The following GPR158 variants were observed in gnomAD, a reference collection of about 807,000 sequenced individuals.
GPR158 encodes metabotropic glycine receptor.
GPR158 carries 30 observed loss-of-function variants against 78.2 expected under a neutral mutation model. The ratio of observed to expected loss-of-function variants is 0.38; its 90% CI spans 0.29 to 0.52. The LOEUF is 0.52. Among genes scored for constraint, GPR158 ranks in the 20% least tolerant of loss-of-function variants. The probability of loss-of-function intolerance (pLI) is 0.83; values close to 1 mark genes in which losing one functional copy is unlikely to be tolerated. For missense variants in GPR158, 1,463 were observed against 1,523.5 expected (o/e 0.96, Z 0.66); for synonymous variants, 581 against 591.1 (o/e 0.98, Z 0.25).
At chr10:25,404,527 T>C (rs1270456991) in intron 3 of GPR158, among the ~76,000 whole-genome samples, 1 of 152,100 alleles carries the variant, frequency 6.6e-6, no homozygotes, top group Non-Finnish European at 1.5e-5. Context: ...ACCTTATGTC[T>C]AGTTGCTACT....
chr10:25,432,532 G>A (rs532377935), intron 4 of GPR158, among the ~76,000 whole-genome samples: 4 of 152,262 alleles, frequency 2.6e-5, no homozygotes, highest in African/African-American at 9.6e-5. Flanking sequence ...AAAATTATAT[G>A]TTCAAAATTG....
chr10:25,352,446 C>A (rs1179857084), intron 2 of GPR158, among the ~76,000 whole-genome samples: 2 of 151,934 alleles, frequency 1.3e-5, no homozygotes, highest in Admixed American at 1.3e-4. Context: ...AAAATAATAT[C>A]TTAGTTTTTA....
chr10:25,230,617 G>A (rs1215917181), intron 2 of GPR158, among the ~76,000 whole-genome samples: 1 of 152,148 alleles, frequency 6.6e-6, no homozygotes, highest in Non-Finnish European at 1.5e-5. Flanking sequence ...TATCAAAATA[G>A]CTATTATATG....
chr10:25,485,108 A>T (rs560023613), intron 5 of GPR158, among the ~76,000 whole-genome samples: 1 of 151,936 alleles, frequency 6.6e-6, no homozygotes, highest in South Asian at 2.1e-4. Flanking sequence ...TTAAGAAAAT[A>T]GCTATAGACA....
At chr10:25,314,982 AT>A (rs1234931967) in intron 2 of GPR158, among the ~76,000 whole-genome samples, 1 of 149,514 alleles carries the variant, frequency 6.7e-6, no homozygotes, top group Admixed American at 6.7e-5. Flanking sequence ...GTTTTTCTGA[AT>A]TTTTTTGTCA....
intron 2 of GPR158, among the ~76,000 whole-genome samples, chr10:25,322,375 C>T (rs181344127): frequency 0.015 from 2,254 of 146,180 alleles, 60 homozygotes; most frequent in African/African-American, 0.055. Flanking sequence ...AGCGAGACTC[C>T]GTCTCAAAAA....
chr10:25,411,318 G>GT (rs2130547804), intron 3 of GPR158, among the ~76,000 whole-genome samples: 1 of 152,280 alleles, frequency 6.6e-6, no homozygotes, highest in African/African-American at 2.4e-5. Flanking sequence ...ATGATAGCTT[G>GT]TAAGTATAGA....
chr10:25,572,507 A>G, intron 6 of GPR158, 142 bp from the exon 7 acceptor site: 2 of 690,146 alleles, frequency 2.9e-6, no homozygotes, highest in Non-Finnish European at 5.2e-6. Flanking sequence ...TGTCTCTACA[A>G]CAAAAACAAA....
At chr10:25,588,891 T>G in intron 7 of GPR158, 116 bp from the exon 8 acceptor site, 1 of 556,876 alleles carries the variant, frequency 1.8e-6, no homozygotes, top group Non-Finnish European at 3.0e-6. Context: ...GAATAAGACT[T>G]TCTAACCCAT....
At chr10:25,502,612 CA>C (rs11367014) in intron 5 of GPR158, among the ~76,000 whole-genome samples, 47,769 of 151,920 alleles carry the variant, frequency 0.31, 8,462 homozygotes, top group East Asian at 0.48. Flanking sequence ...GACTAACTTG[CA>C]AAAAGTACAA....
intron 4 of GPR158, among the ~76,000 whole-genome samples, chr10:25,430,480 A>G (rs1362332257): frequency 6.8e-6 from 1 of 147,782 alleles, no homozygotes; most frequent in East Asian, 1.9e-4. Context: ...CGAGCTACCA[A>G]TGACTTTCTT....
At chr10:25,523,853 A>G (rs889490545) in intron 5 of GPR158, among the ~76,000 whole-genome samples, 1 of 152,194 alleles carries the variant, frequency 6.6e-6, no homozygotes. Context: ...AGAAGAAGAA[A>G]AAAAAGGCTT....
chr10:25,348,565 G>A (rs923092459), intron 2 of GPR158, among the ~76,000 whole-genome samples: 1 of 151,868 alleles, frequency 6.6e-6, no homozygotes, highest in Admixed American at 6.6e-5. Context: ...ATGGGGAGGG[G>A]TAATACTATC....
At chr10:25,342,505 A>G (rs1855315931) in intron 2 of GPR158, among the ~76,000 whole-genome samples, 1 of 152,028 alleles carries the variant, frequency 6.6e-6, no homozygotes, top group African/African-American at 2.4e-5. Context: ...AAAGCAATTT[A>G]GCCTTATTGT....
chr10:25,589,166 GTAAA>G (rs776919584), intron 8 of GPR158, 21 bp downstream of exon 8: 1 of 1,547,680 alleles, frequency 6.5e-7, no homozygotes, highest in African/African-American at 1.4e-5. Context: ...TGTAGAGCTA[GTAAA>G]TAACTATTTT....
chr10:25,583,790 A>G (rs916348780), intron 7 of GPR158, among the ~76,000 whole-genome samples: 3 of 152,214 alleles, frequency 2.0e-5, no homozygotes, highest in African/African-American at 7.2e-5. Context: ...TATGCTGTGT[A>G]AAGGTAATTT....
intron 2 of GPR158, among the ~76,000 whole-genome samples, chr10:25,221,389 T>A (rs1386047046): frequency 6.6e-6 from 1 of 152,194 alleles, no homozygotes; most frequent in Non-Finnish European, 1.5e-5. Context: ...AAGTTTGACT[T>A]TAGTCAAAGC....
chr10:25,193,686 G>C (rs1310267276), intron 1 of GPR158, among the ~76,000 whole-genome samples: 1 of 152,100 alleles, frequency 6.6e-6, no homozygotes, highest in Non-Finnish European at 1.5e-5. Context: ...TGTCTTTATT[G>C]TAGCGTTTTA....
Position 25,176,136 on chromosome 10 carries a change from C to T in GPR158, c.716C>T (p.Pro239Leu). The change falls in exon 1 of 11, where the codon CCC (proline) becomes CTC (leucine). Residue 239 changes from proline to leucine, a missense_variant. Pro to Leu is a moderately conservative substitution (Grantham distance 98, BLOSUM62 -3). Transcript: ENST00000376351. The surrounding 1 kb of genome is among the most constrained non-coding windows in gnomAD (Gnocchi z 6.3). Reference protein sequence around the residue: ...KWRPHLHRRGPNQGPRGLGHS... With the variant: ...KWRPHLHRRGLNQGPRGLGHS... ...AGGCCCCACTTACACCGCCGCGGCC[C>T]CAATCAGGGGCCCCGGGGCCTGGGC... is the stretch of plus-strand genomic sequence containing the variant. 6.4e-7 allele frequency: 1 copy of T among 1,572,456 alleles called. No homozygotes were observed. Among genetic ancestry groups the T allele is most frequent in the African/African-American group, 1.3e-5 (1 of 74,476 alleles).
Sources: allele counts gnomAD v4.1 joint callset (sites outside exome capture counted in the v4.1 genomes callset), GRCh38; gene constraint gnomAD v4.1.1; non-coding constraint Gnocchi (gnomAD v3.1); transcripts MANE v1.5; gene names NCBI Gene and HGNC (gene_info 2026-07-23, HGNC 2026-07-21).